FRMD3: variants seen among roughly 807,000 people sequenced by gnomAD.
FRMD3 encodes the protein FERM domain containing 3.
FRMD3 carries 33 observed loss-of-function variants against 70.2 expected under a neutral mutation model. The observed-to-expected ratio is 0.47, with a 90% CI of 0.36 to 0.63. The LOEUF (loss-of-function observed/expected upper bound fraction) is 0.63. Ranked by LOEUF, FRMD3 falls within the 20% of genes least tolerant of loss-of-function variation. FRMD3 has a pLI of 0.00. For missense variants in FRMD3, 632 were observed against 711.4 expected, an observed-to-expected ratio of 0.89 and a Z score of 1.27; for synonymous variants, 279 against 255.9, an observed-to-expected ratio of 1.09 and a Z score of -0.86.
At chr9:83,327,844 C>T (rs925713568) in intron 6 of FRMD3, among the ~76,000 whole-genome samples, 5 of 152,138 alleles carry the variant, frequency 3.3e-5, no homozygotes, top group African/African-American at 1.2e-4. Context: ...TATCTCATGC[C>T]TTTCTACATC....
In FRMD3 at chr9:83,320,553, C is replaced by A. The variant is rs80324652; in HGVS notation, c.597-6806G>T. 6.6e-3 allele frequency among the ~76,000 whole-genome samples: 999 copies of A among 151,470 alleles called. 10 individuals carry two copies. The highest frequency in any genetic ancestry group is 0.023 in the African/African-American group (943 of 40,952). ...TATTTGCTGAAAATACAATTTTCAG[C>A]AAATAAAATTTGCTGATTTGCTAGT... On this transcript the variant is annotated intron_variant, in intron 6 of 13. Coordinates refer to ENST00000304195, the MANE Select transcript of FRMD3 (RefSeq NM_174938.6).
chr9:83,511,972 A>C (rs992527112), intron 1 of FRMD3, among the ~76,000 whole-genome samples: 7 of 152,122 alleles, frequency 4.6e-5, no homozygotes, highest in Non-Finnish European at 8.8e-5. Context: ...ATTACACCTT[A>C]ATATGTTAAA....
chr9:83,305,676 C>T (rs1370664027), intron 10 of FRMD3, among the ~76,000 whole-genome samples: 1 of 152,206 alleles, frequency 6.6e-6, no homozygotes, highest in African/African-American at 2.4e-5. Context: ...AGTGATACTT[C>T]CCCTCCTTCC....
intron 2 of FRMD3, among the ~76,000 whole-genome samples, chr9:83,374,301 C>G (rs1413134268): frequency 6.6e-6 from 1 of 151,942 alleles, no homozygotes; most frequent in East Asian, 1.9e-4. Flanking sequence ...ATCTAGAAAC[C>G]ACTGAGGGTG....
intron 1 of FRMD3, among the ~76,000 whole-genome samples, chr9:83,491,613 C>G (rs1222271052): frequency 1.3e-5 from 2 of 152,202 alleles, no homozygotes; most frequent in Non-Finnish European, 2.9e-5. Context: ...TCTGCCACAT[C>G]AGCAACTCCA....
chr9:83,479,776 A>T (rs1828520222), intron 1 of FRMD3, among the ~76,000 whole-genome samples: 1 of 52,306 alleles, frequency 1.9e-5, no homozygotes, highest in Non-Finnish European at 3.6e-5. Flanking sequence ...GGAGGGAGGG[A>T]GGGAGGGAGG....
chr9:83,403,903 A>C (rs1365490980), intron 1 of FRMD3, among the ~76,000 whole-genome samples: 2 of 152,150 alleles, frequency 1.3e-5, no homozygotes, highest in African/African-American at 4.8e-5. Flanking sequence ...CTTCCAGCCC[A>C]GCATGGCCCA....
At chr9:83,272,514 T>C (rs900278225) in intron 13 of FRMD3, among the ~76,000 whole-genome samples, 3 of 152,218 alleles carry the variant, frequency 2.0e-5, no homozygotes, top group African/African-American at 4.8e-5. Context: ...TTGCAGCTTC[T>C]GCCCGGCCGC....
intron 1 of FRMD3, among the ~76,000 whole-genome samples, chr9:83,403,401 G>A (rs1424744577): frequency 6.6e-6 from 1 of 152,188 alleles, no homozygotes; most frequent in Non-Finnish European, 1.5e-5. Flanking sequence ...ACGCATGTGT[G>A]CTTGAAACTG....
chr9:83,526,502 C>T (rs1425267800), intron 1 of FRMD3, among the ~76,000 whole-genome samples: 1 of 152,212 alleles, frequency 6.6e-6, no homozygotes, highest in African/African-American at 2.4e-5. Flanking sequence ...TTTTCTCCTT[C>T]TGAAAGAGTT....
chr9:83,350,623 C>CAAAAAAAAAAAAAAAAAAAAAAAAA (rs761012697), intron 3 of FRMD3: 1 of 199,248 alleles, frequency 5.0e-6, no homozygotes, highest in Non-Finnish European at 6.5e-6. Context: ...AACTCCATCT[C>CAAAAAAAAAAAAAAAAAAAAAAAAA]AAAAAAAAAA....
chr9:83,509,450 G>T (rs1026451037), intron 1 of FRMD3, among the ~76,000 whole-genome samples: 1 of 152,182 alleles, frequency 6.6e-6, no homozygotes, highest in Non-Finnish European at 1.5e-5. Flanking sequence ...GGAGGAAAGA[G>T]AATGGGTAAC....
chr9:83,373,745 C>G (rs1278687452), intron 2 of FRMD3, among the ~76,000 whole-genome samples: 1 of 152,122 alleles, frequency 6.6e-6, no homozygotes, highest in Non-Finnish European at 1.5e-5. Flanking sequence ...ACTTTATACA[C>G]CTGTAGTTTA....
intron 1 of FRMD3, among the ~76,000 whole-genome samples, chr9:83,397,875 C>T (rs543734616): frequency 5.4e-4 from 83 of 152,302 alleles, no homozygotes; most frequent in African/African-American, 1.9e-3. Context: ...TTACAAGGCC[C>T]TTAACAGCAA....
At chr9:83,446,406 C>G (rs560175556) in intron 1 of FRMD3, among the ~76,000 whole-genome samples, 211 of 151,698 alleles carry the variant, frequency 1.4e-3, no homozygotes, top group Non-Finnish European at 1.2e-3. Context: ...CCAGCACTTT[C>G]GGAGGCCGAG....
chr9:83,556,186 C>G, the FRMD3 span, among the ~76,000 whole-genome samples: 1 of 151,652 alleles, frequency 6.6e-6, no homozygotes, highest in South Asian at 2.1e-4. Context: ...CTCTTCACTG[C>G]TTCACTAGCC....
chr9:83,296,346 T>C (rs1834661394), intron 12 of FRMD3, among the ~76,000 whole-genome samples: 1 of 152,102 alleles, frequency 6.6e-6, no homozygotes, highest in Non-Finnish European at 1.5e-5. Context: ...AGATCTCACA[T>C]CAAAGAAAAT....
chr9:83,243,036 G>A (rs1831936647), downstream of FRMD3: 1 of 662,412 alleles, frequency 1.5e-6, no homozygotes, highest in Non-Finnish European at 2.7e-6. Context: ...AGCACAGCTG[G>A]GATCTGAGGC....
intron 6 of FRMD3, among the ~76,000 whole-genome samples, 179 bp from the exon 7 acceptor site, chr9:83,313,926 C>T (rs564664943): frequency 1.6e-4 from 25 of 152,236 alleles, no homozygotes; most frequent in African/African-American, 5.8e-4. Flanking sequence ...CTAAGGAACC[C>T]GAGCTTGTGT....
Sources: gnomAD v4.1 joint callset for allele counts (sites outside exome capture counted in the v4.1 genomes callset) on GRCh38, gnomAD v4.1.1 for gene constraint, MANE v1.5 for transcripts, NCBI Gene and HGNC (gene_info 2026-07-23, HGNC 2026-07-21) for gene names.